The following ADAMTS19 variants were observed in gnomAD, a reference collection of about 807,000 sequenced individuals.
ADAMTS19 encodes A disintegrin and metalloproteinase with thrombospondin motifs 19.
Under a neutral mutation model 153.3 loss-of-function variants are expected in ADAMTS19, and 93 were observed. The ratio of observed to expected loss-of-function variants is 0.61; its 90% CI spans 0.51 to 0.72. The LOEUF (loss-of-function observed/expected upper bound fraction) is 0.72, where lower values mean the gene tolerates loss of function less well. Ranked by LOEUF, ADAMTS19 falls within the 30% of genes least tolerant of loss-of-function variation. ADAMTS19 has a pLI of 0.00. For missense variants in ADAMTS19, 1,482 were observed against 1,552.1 expected, an observed-to-expected ratio of 0.95 and a Z score of 0.76; for synonymous variants, 600 against 556.6, an observed-to-expected ratio of 1.08 and a Z score of -1.10.
At chr5:129,682,019 G>C (rs999471852) in intron 17 of ADAMTS19, among the ~76,000 whole-genome samples, 35 of 152,034 alleles carry the variant, frequency 2.3e-4, no homozygotes, top group Non-Finnish European at 4.6e-4. Context: ...TTATTTTATG[G>C]TATAAGACCA....
chr5:129,607,208 C>T lies in ADAMTS19; in HGVS notation c.1478+10544C>T, dbSNP rs553076130. Among the ~76,000 whole-genome samples, 7 of 152,302 alleles carry T rather than the reference C, an allele frequency of 4.6e-5. No homozygotes were observed. In the South Asian group the frequency reaches 1.4e-3, roughly 32 times the overall value. On this transcript the variant is annotated intron_variant, in intron 8 of 22. Transcript: ENST00000274487. ...TTGGGATTACAGGCATGAGCCACCA[C>T]ACCCAGCCTGTTTCCACTTTTAAGT...
intron 7 of ADAMTS19, among the ~76,000 whole-genome samples, chr5:129,560,080 T>A (rs1189379138): frequency 6.6e-6 from 1 of 152,212 alleles, no homozygotes; most frequent in Non-Finnish European, 1.5e-5. Context: ...TTGAAAGATA[T>A]TTTAAGTGAG....
At chr5:129,517,970 T>G (rs2126741778) in intron 3 of ADAMTS19, among the ~76,000 whole-genome samples, 1 of 152,188 alleles carries the variant, frequency 6.6e-6, no homozygotes, top group South Asian at 2.1e-4. Context: ...TGTTTTTGGG[T>G]TTGAGGTTAC....
intron 2 of ADAMTS19, among the ~76,000 whole-genome samples, chr5:129,502,693 T>C (rs1004391468): frequency 1.3e-5 from 2 of 152,210 alleles, no homozygotes; most frequent in Non-Finnish European, 2.9e-5. Context: ...TCTAATTTCC[T>C]CTTATGAAAT....
intron 18 of ADAMTS19, among the ~76,000 whole-genome samples, chr5:129,687,046 G>T (rs190882917): frequency 4.4e-4 from 67 of 152,032 alleles, no homozygotes; most frequent in Middle Eastern, 3.4e-3. Context: ...TGATGCCAGG[G>T]GCTCATCTTT....
intron 8 of ADAMTS19, among the ~76,000 whole-genome samples, chr5:129,611,951 T>C (rs979046393): frequency 6.6e-6 from 1 of 151,900 alleles, no homozygotes; most frequent in Non-Finnish European, 1.5e-5. Flanking sequence ...ACATTCTTAA[T>C]TTTTGATCTT....
chr5:129,711,507 C>T (rs1200639056), intron 21 of ADAMTS19, among the ~76,000 whole-genome samples: 1 of 152,062 alleles, frequency 6.6e-6, no homozygotes, highest in Non-Finnish European at 1.5e-5. Context: ...AACTCCATCT[C>T]TACCAAAAAT....
At chr5:129,463,428 C>T (rs983964878) in intron 2 of ADAMTS19, among the ~76,000 whole-genome samples, 1 of 152,144 alleles carries the variant, frequency 6.6e-6, no homozygotes, top group African/African-American at 2.4e-5. Flanking sequence ...TTTTCATAGA[C>T]TGAATAGGAG....
intron 18 of ADAMTS19, among the ~76,000 whole-genome samples, chr5:129,688,921 T>A (rs543516297): frequency 1.3e-5 from 2 of 152,220 alleles, no homozygotes; most frequent in Non-Finnish European, 2.9e-5. Context: ...TGGATCAGTT[T>A]GCTACAAGGT....
intron 16 of ADAMTS19, among the ~76,000 whole-genome samples, chr5:129,677,287 C>G (rs927648667): frequency 6.6e-6 from 1 of 152,042 alleles, no homozygotes; most frequent in Admixed American, 6.5e-5. Flanking sequence ...ACCAGCCTGG[C>G]CAACATGACA....
At chr5:129,692,747 A>G (rs1368107402) in intron 18 of ADAMTS19, among the ~76,000 whole-genome samples, 1 of 152,200 alleles carries the variant, frequency 6.6e-6, no homozygotes, top group African/African-American at 2.4e-5. Context: ...TCATCTGCCT[A>G]TAGGCCATGA....
chr5:129,608,156 G>A (rs116260171), intron 8 of ADAMTS19, among the ~76,000 whole-genome samples: 11,390 of 99,074 alleles, frequency 0.11, 723 homozygotes, highest in East Asian at 0.31. Flanking sequence ...ACATTACTAA[G>A]TCTTTAAAAA....
intron 21 of ADAMTS19, among the ~76,000 whole-genome samples, chr5:129,705,571 A>G (rs891369757): frequency 1.3e-5 from 2 of 152,232 alleles, no homozygotes; most frequent in African/African-American, 2.4e-5. Flanking sequence ...ATGCTTTTGT[A>G]AACAACATAA....
At position 129,615,472 on chromosome 5, in the gene ADAMTS19, C is replaced by T. The variant is rs540174357; in HGVS notation, c.1479-5146C>T. On this transcript the variant is annotated intron_variant, in intron 8 of 22. Transcript: ENST00000274487. ...TACCTCTAAATATTCTATTTTAATT[C>T]GTTGGGGGCAGGCCCATGAATCTGC... 9.2e-5 allele frequency among the ~76,000 whole-genome samples: 14 copies of T among 152,038 alleles called. 1 individual carries two copies. In the East Asian group the frequency reaches 1.4e-3, roughly 15 times the overall value.
intron 2 of ADAMTS19, among the ~76,000 whole-genome samples, chr5:129,490,665 T>C (rs1750733683): frequency 6.6e-6 from 1 of 152,122 alleles, no homozygotes. Flanking sequence ...AGGTAAATAA[T>C]GAGACAAGAG....
intron 2 of ADAMTS19, among the ~76,000 whole-genome samples, chr5:129,464,068 G>GA (rs977997505): frequency 2.0e-5 from 3 of 151,928 alleles, no homozygotes; most frequent in East Asian, 3.9e-4. Flanking sequence ...TCACCAGGCA[G>GA]AAAAAAAAGC....
chr5:129,716,942 A>G (rs1334746364), intron 21 of ADAMTS19, among the ~76,000 whole-genome samples: 1 of 152,168 alleles, frequency 6.6e-6, no homozygotes, highest in African/African-American at 2.4e-5. Context: ...CATTAACTCA[A>G]GTGTTTCCAC....
intron 8 of ADAMTS19, among the ~76,000 whole-genome samples, chr5:129,597,292 T>G (rs1185445076): frequency 5.9e-5 from 9 of 152,238 alleles, no homozygotes; most frequent in African/African-American, 2.2e-4. Context: ...TAGTACTTAC[T>G]ATTAATGTTT....
At chr5:129,681,795 A>G (rs1754827466) in intron 17 of ADAMTS19, among the ~76,000 whole-genome samples, 1 of 152,144 alleles carries the variant, frequency 6.6e-6, no homozygotes, top group Non-Finnish European at 1.5e-5. Flanking sequence ...GGATCCTATT[A>G]TTTAATTTCA....
Sources: allele counts gnomAD v4.1 joint callset (sites outside exome capture counted in the v4.1 genomes callset), GRCh38; gene constraint gnomAD v4.1.1; transcripts MANE v1.5; gene names NCBI Gene and HGNC (gene_info 2026-07-23, HGNC 2026-07-21).